Variants in ANGPT1 observed in about 807,000 individuals in gnomAD.
ANGPT1 encodes angiopoietin 1, also known as angiopoietin-1.
In ANGPT1, 17 loss-of-function variants were observed where a neutral mutation model predicts 62.2. The ratio of observed to expected loss-of-function variants is 0.27; its 90% confidence interval spans 0.19 to 0.41. The LOEUF (loss-of-function observed/expected upper bound fraction) is 0.41, where lower values mean the gene tolerates loss of function less well. Among genes scored for constraint, ANGPT1 ranks in the 10% least tolerant of loss-of-function variants. The pLI is 1.00. For missense variants in ANGPT1, 478 were observed against 594.9 expected (o/e 0.80, Z 2.04); for synonymous variants, 199 against 198.9 (o/e 1.00, Z 0.00).
At chr8:107,460,886 AT>A (rs1289136176) in intron 1 of ANGPT1, among the ~76,000 whole-genome samples, 2 of 152,096 alleles carry the variant, frequency 1.3e-5, no homozygotes, top group African/African-American at 4.8e-5. Flanking sequence ...AAACTAAGCA[AT>A]TTATCTTCGA....
chr8:107,336,893 G>A (rs1815582390), intron 2 of ANGPT1, among the ~76,000 whole-genome samples: 1 of 152,098 alleles, frequency 6.6e-6, no homozygotes, highest in South Asian at 2.1e-4. Flanking sequence ...TTAAGTACAA[G>A]GTCTTAGATA....
At chr8:107,304,296 T>C (rs1814664234) in intron 4 of ANGPT1, among the ~76,000 whole-genome samples, 1 of 151,710 alleles carries the variant, frequency 6.6e-6, no homozygotes, top group East Asian at 1.9e-4. Context: ...AGTTCTTAGC[T>C]AAAGATATAT....
At chr8:107,450,227 A>T (rs1811732133) in intron 1 of ANGPT1, among the ~76,000 whole-genome samples, 3 of 152,078 alleles carry the variant, frequency 2.0e-5, no homozygotes, top group African/African-American at 4.8e-5. Context: ...AGCCATTGTC[A>T]TAGATAAACT....
intron 1 of ANGPT1, among the ~76,000 whole-genome samples, chr8:107,447,423 A>G (rs552028908): frequency 6.6e-6 from 1 of 152,278 alleles, no homozygotes; most frequent in South Asian, 2.1e-4. Flanking sequence ...CAAACAGACT[A>G]TACATCCCTG....
chr8:107,349,184 A>G (rs1269300197), intron 1 of ANGPT1, among the ~76,000 whole-genome samples: 1 of 147,758 alleles, frequency 6.8e-6, no homozygotes, highest in Non-Finnish European at 1.5e-5. Context: ...ACATACATAG[A>G]CACTTGGATG....
chr8:107,465,080 G>A (rs1812167504), intron 1 of ANGPT1, among the ~76,000 whole-genome samples: 1 of 152,064 alleles, frequency 6.6e-6, no homozygotes, highest in African/African-American at 2.4e-5. Context: ...TCCTCTTTGT[G>A]GGAGAAGTGG....
intron 1 of ANGPT1, among the ~76,000 whole-genome samples, chr8:107,478,061 C>G (rs1220573379): frequency 7.8e-6 from 1 of 128,744 alleles, no homozygotes. Flanking sequence ...AATATTTCTC[C>G]TGTTTTTTTT....
intron 1 of ANGPT1, among the ~76,000 whole-genome samples, chr8:107,408,172 T>C (rs1410075997): frequency 6.6e-6 from 1 of 152,234 alleles, no homozygotes; most frequent in Non-Finnish European, 1.5e-5. Flanking sequence ...ATTGTGGTAT[T>C]ACAATAACAA....
At chr8:107,456,257 T>C (rs1209228596) in intron 1 of ANGPT1, among the ~76,000 whole-genome samples, 2 of 152,056 alleles carry the variant, frequency 1.3e-5, no homozygotes, top group Non-Finnish European at 2.9e-5. Flanking sequence ...TTGGACATCT[T>C]GAGCAAAGCT....
At chr8:107,262,879 TCAGA>T (rs1473887633) in intron 8 of ANGPT1, among the ~76,000 whole-genome samples, 2 of 152,250 alleles carry the variant, frequency 1.3e-5, no homozygotes, top group African/African-American at 4.8e-5. Flanking sequence ...TTCCCAAACT[TCAGA>T]CAGTCATGTA....
intron 1 of ANGPT1, among the ~76,000 whole-genome samples, chr8:107,485,150 G>T (rs982398699): frequency 6.6e-6 from 1 of 152,146 alleles, no homozygotes; most frequent in South Asian, 2.1e-4. Flanking sequence ...GCAATACAGC[G>T]TGTGTTGATT....
At chr8:107,257,135 C>T (rs1218849647) in intron 8 of ANGPT1, among the ~76,000 whole-genome samples, 2 of 152,198 alleles carry the variant, frequency 1.3e-5, no homozygotes, top group African/African-American at 4.8e-5. Context: ...GCTGAGATTA[C>T]AGGCGTGAGC....
chr8:107,303,123 A>C, intron 5 of ANGPT1, 117 bp downstream of exon 5: 1 of 1,216,680 alleles, frequency 8.2e-7, no homozygotes, highest in Admixed American at 2.3e-5. Flanking sequence ...TGGGAGAAAA[A>C]AGTTCAGGCA....
chr8:107,391,590 C>T (rs971111625), intron 1 of ANGPT1, among the ~76,000 whole-genome samples: 1 of 152,082 alleles, frequency 6.6e-6, no homozygotes, highest in Admixed American at 6.6e-5. Context: ...TCGCTTGAAC[C>T]CGAGAGGCTG....
At chr8:107,253,113 C>T (rs1171371857) in intron 8 of ANGPT1, among the ~76,000 whole-genome samples, 2 of 152,144 alleles carry the variant, frequency 1.3e-5, no homozygotes, top group Non-Finnish European at 2.9e-5. Context: ...TTTATAAAGT[C>T]ACACTAGAGG....
intron 1 of ANGPT1, among the ~76,000 whole-genome samples, chr8:107,445,236 A>G (rs756093953): frequency 1.3e-5 from 2 of 152,210 alleles, no homozygotes; most frequent in African/African-American, 2.4e-5. Flanking sequence ...CGGATTGATT[A>G]TTCTGACGGA....
chr8:107,265,297 A>C (rs1203951646), intron 7 of ANGPT1, among the ~76,000 whole-genome samples: 2 of 152,182 alleles, frequency 1.3e-5, no homozygotes, highest in Non-Finnish European at 2.9e-5. Context: ...GTCCAAAGAG[A>C]ACATTTTGAC....
chr8:107,376,097 T>C (rs1221142530), intron 1 of ANGPT1, among the ~76,000 whole-genome samples: 1 of 152,210 alleles, frequency 6.6e-6, no homozygotes, highest in Non-Finnish European at 1.5e-5. Flanking sequence ...TTCATGAGTA[T>C]GTAACTTCTC....
intron 4 of ANGPT1, among the ~76,000 whole-genome samples, chr8:107,321,419 T>C (rs974830628): frequency 1.3e-5 from 2 of 152,150 alleles, no homozygotes; most frequent in Non-Finnish European, 2.9e-5. Context: ...TTGTTTCAAA[T>C]AGTCTGTCTC....
Sources: gnomAD v4.1 joint callset for allele counts (sites outside exome capture counted in the v4.1 genomes callset) on GRCh38, gnomAD v4.1.1 for gene constraint, MANE v1.5 for transcripts, NCBI Gene and HGNC (gene_info 2026-07-23, HGNC 2026-07-21) for gene names.